The following DNAJC5B variants were observed in gnomAD, a reference collection of about 807,000 sequenced individuals.
DNAJC5B encodes dnaJ homolog subfamily C member 5B.
In DNAJC5B, 23 loss-of-function variants were observed where a neutral mutation model predicts 24.7. The ratio of observed to expected loss-of-function variants is 0.93; its 90% CI spans 0.67 to 1.32. The LOEUF (loss-of-function observed/expected upper bound fraction) is 1.32. Ranked by LOEUF, DNAJC5B falls within the 40% of genes most tolerant of loss-of-function variation. The pLI is 0.00. For missense variants in DNAJC5B, 238 were observed against 240.8 expected (o/e 0.99, Z 0.08); for synonymous variants, 101 against 90.1 (o/e 1.12, Z -0.68).
intron 3 of DNAJC5B, among the ~76,000 whole-genome samples, chr8:66,066,320 G>C (rs1464606994): frequency 6.6e-6 from 1 of 152,130 alleles, no homozygotes; most frequent in Non-Finnish European, 1.5e-5. Context: ...AGACAGCATT[G>C]AGATTCCTTA....
chr8:66,053,611 AGTCT>A (rs2128960158), intron 3 of DNAJC5B, among the ~76,000 whole-genome samples: 1 of 151,374 alleles, frequency 6.6e-6, no homozygotes, highest in East Asian at 1.9e-4. Context: ...AGGTTGTATT[AGTCT>A]ATATTCTTCA....
intron 2 of DNAJC5B, among the ~76,000 whole-genome samples, chr8:66,048,779 A>T (rs1362303178): frequency 6.6e-6 from 1 of 152,210 alleles, no homozygotes; most frequent in Non-Finnish European, 1.5e-5. Flanking sequence ...CTACTGCAGA[A>T]GCAAGTGGTA....
chr8:66,079,170 C>T (rs566122943), intron 4 of DNAJC5B, among the ~76,000 whole-genome samples: 1 of 152,074 alleles, frequency 6.6e-6, no homozygotes, highest in Non-Finnish European at 1.5e-5. Flanking sequence ...TTGGGGAAAT[C>T]CTGCTGCTGT....
At chr8:66,086,129 C>T (rs554091435) in intron 5 of DNAJC5B, among the ~76,000 whole-genome samples, 1 of 152,172 alleles carries the variant, frequency 6.6e-6, no homozygotes, top group Non-Finnish European at 1.5e-5. Context: ...TTTATATTGC[C>T]TTTGTATCCC....
chr8:66,073,463 T>TGCA (rs1807394373), intron 3 of DNAJC5B, among the ~76,000 whole-genome samples: 1 of 150,974 alleles, frequency 6.6e-6, no homozygotes, highest in African/African-American at 2.5e-5. Flanking sequence ...TCTCAATAGG[T>TGCA]TGTGTGAATG....
At chr8:66,062,697 G>T (rs1045271592) in intron 3 of DNAJC5B, among the ~76,000 whole-genome samples, 7 of 152,178 alleles carry the variant, frequency 4.6e-5, no homozygotes, top group African/African-American at 1.7e-4. Context: ...TGTGGTGGCT[G>T]TTGCCTGTAA....
In DNAJC5B at chr8:66,030,740, G is replaced by A. The variant is rs1450816014; in HGVS notation, c.-142+9035G>A. Among the ~76,000 whole-genome samples, 6 of 152,172 alleles carry A rather than the reference G, an allele frequency of 3.9e-5. No individual in the cohort carries two copies. In the South Asian group the frequency reaches 8.3e-4, roughly 21 times the overall value. On this transcript the variant is annotated intron_variant, in intron 1 of 5. Coordinates refer to ENST00000276570, the MANE Select transcript of DNAJC5B (RefSeq NM_033105.6). Reference sequence around the variant, plus strand: ...CAACCTCTGCCTCCCAGGTTCTAGCGTTTCTTGTGCCTCAGCCTCCCGAGT... The same window carrying A: ...CAACCTCTGCCTCCCAGGTTCTAGCATTTCTTGTGCCTCAGCCTCCCGAGT...
At chr8:66,073,092 A>G (rs181933197) in intron 3 of DNAJC5B, among the ~76,000 whole-genome samples, 6 of 152,270 alleles carry the variant, frequency 3.9e-5, no homozygotes, top group Non-Finnish European at 4.4e-5. Context: ...AAAAAATCCA[A>G]TTATCACTTG....
At chr8:66,075,338 T>A (rs1586103469) in intron 3 of DNAJC5B, among the ~76,000 whole-genome samples, 1 of 152,212 alleles carries the variant, frequency 6.6e-6, no homozygotes, top group East Asian at 1.9e-4. Flanking sequence ...AACAGCCCTT[T>A]CATTTGATTG....
chr8:66,061,616 T>TGC (rs1563599252), intron 3 of DNAJC5B, among the ~76,000 whole-genome samples: 1 of 150,866 alleles, frequency 6.6e-6, no homozygotes, highest in African/African-American at 2.5e-5. Flanking sequence ...AGAGAGTGTG[T>TGC]GTGTGTGTGT....
At chr8:66,067,318 A>G (rs1807242064) in intron 3 of DNAJC5B, among the ~76,000 whole-genome samples, 1 of 151,772 alleles carries the variant, frequency 6.6e-6, no homozygotes, top group Non-Finnish European at 1.5e-5. Context: ...AAACAGCCCT[A>G]CAGACAAAAG....
rs756940437 is a variant in DNAJC5B at position 66,076,625 on chromosome 8, AAC to A, written c.120-30_120-29del. 1.1e-5 allele frequency: 17 copies of A among 1,609,640 alleles called. No individual in the cohort carries two copies. In the East Asian group the frequency reaches 3.6e-4, roughly 34 times the overall value. On this transcript the variant is annotated intron_variant, in intron 3 of 5. Transcript: ENST00000276570. Reference sequence around the variant, plus strand: ...ACGCCATGGTTCATTCTTGTCAAATAACACACTCTCCTTGTTTTTCTTTTATT... The same window carrying A: ...ACGCCATGGTTCATTCTTGTCAAATAACACTCTCCTTGTTTTTCTTTTATT...
At chr8:66,026,336 G>C (rs983391823) in intron 1 of DNAJC5B, among the ~76,000 whole-genome samples, 2 of 152,074 alleles carry the variant, frequency 1.3e-5, no homozygotes, top group Non-Finnish European at 2.9e-5. Flanking sequence ...GAGACGATGG[G>C]GTTTTTGCGG....
Position 66,080,538 on chromosome 8 carries a change from C to T in DNAJC5B, c.495C>T (p.Asp165=), listed in dbSNP as rs1435226587. The change falls in exon 5 of 6, where the codon GAC becomes GAT. Residue 165 remains aspartate (D), a synonymous_variant. Transcript: ENST00000276570. Reference sequence around the variant, plus strand: ...ATCTGGAGGAGCAGATCAAGTCTGACATGGAAAAAGGTGGGGTAGGATGAG... The same window carrying T: ...ATCTGGAGGAGCAGATCAAGTCTGATATGGAAAAAGGTGGGGTAGGATGAG... ...PEDLEEQIKS[D]MEKDVDFPVF... 2.5e-6 allele frequency: 4 copies of T among 1,607,066 alleles called. No individual in the cohort carries two copies. In the East Asian group the frequency reaches 6.7e-5, roughly 27 times the overall value.
chr8:66,034,864 A>G (rs575367744), intron 1 of DNAJC5B, among the ~76,000 whole-genome samples: 2 of 152,170 alleles, frequency 1.3e-5, no homozygotes, highest in Non-Finnish European at 2.9e-5. Context: ...CAGAAAACAG[A>G]TCTGCCTGGA....
At chr8:66,019,466 CAT>C (rs1325530170), upstream of DNAJC5B, among the ~76,000 whole-genome samples, 4 of 152,090 alleles carry the variant, frequency 2.6e-5, no homozygotes, top group African/African-American at 7.2e-5. Flanking sequence ...TTAAATCAGT[CAT>C]ATGTTTTCTT....
chr8:66,055,747 A>G (rs1806948194), intron 3 of DNAJC5B, among the ~76,000 whole-genome samples: 1 of 152,192 alleles, frequency 6.6e-6, no homozygotes, highest in South Asian at 2.1e-4. Context: ...GTTTGAGACC[A>G]GCCTGGCAAA....
At chr8:66,048,543 C>G (rs1329189211) in intron 2 of DNAJC5B, among the ~76,000 whole-genome samples, 1 of 152,144 alleles carries the variant, frequency 6.6e-6, no homozygotes, top group East Asian at 1.9e-4. Context: ...TTGGGTAGGG[C>G]AGGGGACCAG....
chr8:66,090,251 A>ATGTGTGTGTG (rs147978582), intron 5 of DNAJC5B, among the ~76,000 whole-genome samples: 18 of 145,320 alleles, frequency 1.2e-4, no homozygotes, highest in Non-Finnish European at 2.7e-4. Flanking sequence ...GCGTGCAGGC[A>ATGTGTGTGTG]TGTGTGTGTG....
Sources: allele counts gnomAD v4.1 joint callset (sites outside exome capture counted in the v4.1 genomes callset), GRCh38; gene constraint gnomAD v4.1.1; transcripts MANE v1.5; gene names NCBI Gene and HGNC (gene_info 2026-07-23, HGNC 2026-07-21).